Variants in SNX7 observed in about 807,000 individuals in gnomAD.
The protein encoded by SNX7 is sorting nexin 7.
Under a neutral mutation model 48.4 loss-of-function variants are expected in SNX7, and 35 were observed. The ratio of observed to expected loss-of-function variants is 0.72; its 90% CI spans 0.55 to 0.96. The LOEUF is 0.96. Among genes scored for constraint, SNX7 ranks in the 40% least tolerant of loss-of-function variants. The pLI is 0.00. For missense variants in SNX7, 553 were observed against 548.9 expected (o/e 1.01, Z -0.07); for synonymous variants, 190 against 190.2 (o/e 1.00, Z 0.01).
chr1:98,729,451 A>G (rs1030103131), intron 7 of SNX7, among the ~76,000 whole-genome samples: 1 of 152,126 alleles, frequency 6.6e-6, no homozygotes, highest in African/African-American at 2.4e-5. Flanking sequence ...TAAAGGAGAT[A>G]GAGACACAAA....
intron 1 of SNX7, among the ~76,000 whole-genome samples, chr1:98,667,700 C>A (rs1204155208): frequency 6.6e-6 from 1 of 152,068 alleles, no homozygotes; most frequent in Admixed American, 6.6e-5. Flanking sequence ...GGGACTCTAA[C>A]TACATTGCCT....
intron 1 of SNX7, among the ~76,000 whole-genome samples, chr1:98,663,040 T>A (rs1185700651): frequency 6.6e-6 from 1 of 152,230 alleles, no homozygotes; most frequent in Admixed American, 6.5e-5. Flanking sequence ...AATGGAATTA[T>A]TTTATGTTTA....
Position 98,689,139 on chromosome 1 carries a change from G to A in SNX7, c.364-1936G>A, listed in dbSNP as rs556562737. 5.9e-5 allele frequency among the ~76,000 whole-genome samples: 9 copies of A among 152,188 alleles called. No homozygotes were observed. The South Asian group carries it at 1.5e-3, about 25-fold the overall frequency. On this transcript the variant is annotated intron_variant, in intron 2 of 8. Coordinates refer to ENST00000306121, the MANE Select transcript of SNX7 (RefSeq NM_015976.5). ...AGGCTTGTCTCGAACTCCTGACCTC[G>A]TGATCTGCCTGCCTCGGCCTCCCAA... is the stretch of plus-strand genomic sequence containing the variant.
At chr1:98,744,424 A>G in intron 8 of SNX7, among the ~76,000 whole-genome samples, 1 of 151,970 alleles carries the variant, frequency 6.6e-6, no homozygotes, top group East Asian at 1.9e-4. Context: ...AAAACAGGCA[A>G]TGTCAGTGAA....
chr1:98,702,610 A>C (rs1446425689), intron 7 of SNX7, among the ~76,000 whole-genome samples: 1 of 152,018 alleles, frequency 6.6e-6, no homozygotes, highest in African/African-American at 2.4e-5. Flanking sequence ...ATCAGGTTGG[A>C]ATAATTATTC....
At chr1:98,685,605 C>T (rs895141891) in intron 2 of SNX7, among the ~76,000 whole-genome samples, 1 of 152,134 alleles carries the variant, frequency 6.6e-6, no homozygotes, top group Non-Finnish European at 1.5e-5. Context: ...CAATTTACCT[C>T]AGACACAATT....
chr1:98,721,267 C>T (rs770844086), intron 7 of SNX7, among the ~76,000 whole-genome samples: 1 of 152,102 alleles, frequency 6.6e-6, no homozygotes, highest in Admixed American at 6.6e-5. Flanking sequence ...AAATCTGAAA[C>T]ACTTCTGATC....
At chr1:98,683,080 C>A (rs1650589507) in intron 1 of SNX7, among the ~76,000 whole-genome samples, 1 of 152,068 alleles carries the variant, frequency 6.6e-6, no homozygotes. Context: ...AGCATGCTTT[C>A]ATTCATGGAT....
intron 8 of SNX7, among the ~76,000 whole-genome samples, chr1:98,746,027 A>G (rs1451298470): frequency 6.6e-6 from 1 of 152,088 alleles, no homozygotes; most frequent in East Asian, 1.9e-4. Flanking sequence ...GAAGGCACAT[A>G]GAAATGATCA....
chr1:98,691,437 A>C, intron 3 of SNX7, 98 bp from the exon 4 acceptor site: 1 of 989,190 alleles, frequency 1.0e-6, no homozygotes, highest in Non-Finnish European at 1.4e-6. Flanking sequence ...AGAAATGATC[A>C]GATGTTCAAC....
At position 98,738,267 on chromosome 1, in the gene SNX7, A is replaced by G. The variant is rs1298817136; in HGVS notation, c.1156A>G (p.Lys386Glu). ...LPEEIGKLEDKVECANNALKA... is the reference protein window; with the variant it reads ...LPEEIGKLEDEVECANNALKA... ...AGAGGAGATTGGAAAACTTGAAGATAAAGTGGAATGTGCTAATAATGCCCT... is the reference window on the plus strand; with the variant it reads ...AGAGGAGATTGGAAAACTTGAAGATGAAGTGGAATGTGCTAATAATGCCCT... Residue 386 changes from lysine (K) to glutamate (E), a missense_variant, in exon 8 of 9, where the codon AAA becomes GAA. Lys to Glu is a moderately conservative substitution (Grantham distance 56). Transcript: ENST00000306121. The G allele has an allele frequency of 6.2e-7, 1 of 1,613,214 alleles. No homozygotes were observed. The highest frequency in any genetic ancestry group is 8.5e-7 in the Non-Finnish European group (1 of 1,179,680).
At chr1:98,715,960 A>G (rs1198129495) in intron 7 of SNX7, among the ~76,000 whole-genome samples, 2 of 152,036 alleles carry the variant, frequency 1.3e-5, no homozygotes, top group Non-Finnish European at 2.9e-5. Context: ...GTATTTCTGT[A>G]TTTACATATA....
intron 7 of SNX7, among the ~76,000 whole-genome samples, chr1:98,719,453 T>C (rs1237998011): frequency 1.3e-5 from 2 of 152,134 alleles, no homozygotes; most frequent in African/African-American, 4.8e-5. Flanking sequence ...ATTTCTCATC[T>C]GATGAGTGGG....
rs139767669 is a variant in SNX7, at chr1:98,697,228, T to C, written c.839-1478T>C. 4.4e-3 allele frequency among the ~76,000 whole-genome samples: 675 copies of C among 152,220 alleles called. 2 individuals are homozygous for C. Among genetic ancestry groups the C allele is most frequent in the Non-Finnish European group, 7.8e-3 (530 of 67,930 alleles). On this transcript the variant is annotated intron_variant, in intron 5 of 8. Transcript: ENST00000306121. ...GGCCTAGGATCAGGAAGGTGGAGTT[T>C]GGAAGGACTACAGAGGTGATTAAAT...
chr1:98,749,769 T>C (rs1226491041), intron 8 of SNX7, among the ~76,000 whole-genome samples: 1 of 152,122 alleles, frequency 6.6e-6, no homozygotes, highest in Non-Finnish European at 1.5e-5. Flanking sequence ...GCCCTCATTT[T>C]AGGCATAACC....
intron 8 of SNX7, among the ~76,000 whole-genome samples, chr1:98,743,868 A>G (rs1654191163): frequency 6.6e-6 from 1 of 152,072 alleles, no homozygotes; most frequent in Admixed American, 6.6e-5. Flanking sequence ...CCAAATTAGG[A>G]CAATTTCCAA....
At chr1:98,718,275 A>C (rs1449474258) in intron 7 of SNX7, among the ~76,000 whole-genome samples, 2 of 152,108 alleles carry the variant, frequency 1.3e-5, no homozygotes, top group African/African-American at 4.8e-5. Flanking sequence ...ATAATACATT[A>C]ATATAGAAAT....
At chr1:98,737,964 T>C (rs1300577889) in intron 7 of SNX7, among the ~76,000 whole-genome samples, 2 of 152,178 alleles carry the variant, frequency 1.3e-5, no homozygotes, top group African/African-American at 4.8e-5. Context: ...GTTTTATAAA[T>C]AGTGAAACTG....
upstream of SNX7, chr1:98,661,657 T>C (rs1649218289): frequency 8.6e-7 from 1 of 1,156,686 alleles, no homozygotes; most frequent in Non-Finnish European, 1.1e-6. Flanking sequence ...GCAGGAGACG[T>C]GGGAGCCAAT....
Sources: gnomAD v4.1 joint callset for allele counts (sites outside exome capture counted in the v4.1 genomes callset) on GRCh38, gnomAD v4.1.1 for gene constraint, MANE v1.5 for transcripts, NCBI Gene and HGNC (gene_info 2026-07-23, HGNC 2026-07-21) for gene names.